The following BCAR1 variants were observed in gnomAD, a reference collection of about 807,000 sequenced individuals.
BCAR1 encodes the protein breast cancer anti-estrogen resistance protein 1.
In BCAR1, 30 loss-of-function variants were observed where a neutral mutation model predicts 67.6. The observed-to-expected ratio is 0.44, with a 90% CI of 0.33 to 0.60. BCAR1 has a LOEUF of 0.60. Among genes scored for constraint, BCAR1 ranks in the 20% least tolerant of loss-of-function variants. BCAR1 has a pLI of 0.02. For missense variants in BCAR1, 1,313 were observed against 1,222.3 expected (o/e 1.07, Z -1.11); for synonymous variants, 626 against 556.7 (o/e 1.12, Z -1.75).
chr16:75,260,129 G>A (rs1012676589), intron 1 of BCAR1, among the ~76,000 whole-genome samples: 4 of 152,124 alleles, frequency 2.6e-5, no homozygotes, highest in Non-Finnish European at 4.4e-5. Context: ...GGGAGGAAGA[G>A]GTTGCAGTGA....
Position 75,229,364 on chromosome 16 carries a change from TAC to T in BCAR1, c.*145_*146del. Reference sequence around the variant, plus strand: ...CACACCCTGCCCGGCCATAAATATATACAGATTCCTGGGCATCCAGGGCACCA... The same window carrying T: ...CACACCCTGCCCGGCCATAAATATATAGATTCCTGGGCATCCAGGGCACCA... On this transcript the variant is annotated 3_prime_UTR_variant, in exon 7 of 7. Transcript: ENST00000162330. 5 of 1,262,886 alleles carry T rather than the reference TAC, an allele frequency of 4.0e-6. No homozygotes were observed. The highest frequency in any genetic ancestry group is 2.6e-5 in the East Asian group (1 of 38,722). The allele number at this position is 1,262,886 out of a possible 1,614,324, so 78.2% of individuals were successfully genotyped here. A position where few individuals can be genotyped will look rare whatever the true frequency, so the allele number is the denominator to read the frequency against.
At chr16:75,248,206 C>T (rs1008215554) in intron 1 of BCAR1, 16 of 1,554,190 alleles carry the variant, frequency 1.0e-5, no homozygotes, top group African/African-American at 2.8e-5. Context: ...CGCCTGGGTT[C>T]GTGGAAACCA....
intron 1 of BCAR1, chr16:75,251,062 A>C: frequency 1.2e-6 from 1 of 818,956 alleles, no homozygotes; most frequent in Non-Finnish European, 1.5e-6. Flanking sequence ...GGCAGTCCCC[A>C]CGCCACACCA....
At chr16:75,231,050 A>G (rs1447214892) in intron 6 of BCAR1, among the ~76,000 whole-genome samples, 1 of 143,214 alleles carries the variant, frequency 7.0e-6, no homozygotes, top group Non-Finnish European at 1.5e-5. Flanking sequence ...TTTCAATACT[A>G]TTTTTATTTT....
rs757929442 is a variant in BCAR1, at chr16:75,237,165, T to G, written c.795+18A>C. 1.9e-6 allele frequency: 3 copies of G among 1,541,172 alleles called. No homozygotes were observed. Reference sequence around the variant, plus strand: ...ACTTGCCGCCCTGCCCTCCCACCGCTGCGCACCCCACACCTACCTCCTGGC... The same window carrying G: ...ACTTGCCGCCCTGCCCTCCCACCGCGGCGCACCCCACACCTACCTCCTGGC... On this transcript the variant is annotated intron_variant, in intron 3 of 6. Transcript: ENST00000162330.
upstream of BCAR1, chr16:75,251,639 T>C: frequency 3.0e-6 from 3 of 1,002,678 alleles, no homozygotes; most frequent in Non-Finnish European, 3.6e-6. Flanking sequence ...GCTCTCCGCC[T>C]GCCGCCACGG....
intron 6 of BCAR1, among the ~76,000 whole-genome samples, chr16:75,230,449 A>G: frequency 6.6e-6 from 1 of 152,198 alleles, no homozygotes; most frequent in South Asian, 2.1e-4. Context: ...TTCAAAATGG[A>G]AGGTTAAAAA....
At chr16:75,251,637 C>T (rs962870571), upstream of BCAR1, 5 of 1,003,422 alleles carry the variant, frequency 5.0e-6, no homozygotes, top group African/African-American at 5.2e-5. Context: ...CCGCTCTCCG[C>T]CTGCCGCCAC....
chr16:75,265,489 G>GGGGTCCTGGC (rs2077988239), intron 1 of BCAR1, among the ~76,000 whole-genome samples: 1 of 152,126 alleles, frequency 6.6e-6, no homozygotes, highest in Non-Finnish European at 1.5e-5. Context: ...GGTCCTGGCG[G>GGGGTCCTGGC]GCAACAGACT....
chr16:75,244,987 G>A (rs564476737), intron 1 of BCAR1, among the ~76,000 whole-genome samples: 1 of 152,324 alleles, frequency 6.6e-6, no homozygotes, highest in East Asian at 1.9e-4. Context: ...TTGCTTTGGG[G>A]CTGAAAAACT....
At chr16:75,260,369 T>C (rs1372383520) in intron 1 of BCAR1, among the ~76,000 whole-genome samples, 1 of 152,050 alleles carries the variant, frequency 6.6e-6, no homozygotes, top group Non-Finnish European at 1.5e-5. Context: ...CCAGGCGCGG[T>C]GGCTCATGCC....
At chr16:75,245,076 C>A (rs925627546) in intron 1 of BCAR1, among the ~76,000 whole-genome samples, 1 of 152,254 alleles carries the variant, frequency 6.6e-6, no homozygotes, top group Non-Finnish European at 1.5e-5. Context: ...TGCGGCAGGT[C>A]TAGGGGCCAG....
Position 75,245,102 on chromosome 16 carries a change from C to T in BCAR1, c.13-2012G>A, listed in dbSNP as rs541364659. Among the ~76,000 whole-genome samples the T allele has an allele frequency of 6.1e-4, 93 of 152,352 alleles. 6 individuals carry two copies. The highest frequency in any genetic ancestry group is 2.1e-4 in the South Asian group (1 of 4,826). ...TAGGGGCCAGAGCCCCACAGAGGAGCGGGAGGGCGGGGGCTGTCCTGCAGC... is the reference window on the plus strand; with the variant it reads ...TAGGGGCCAGAGCCCCACAGAGGAGTGGGAGGGCGGGGGCTGTCCTGCAGC... On this transcript the variant is annotated intron_variant, in intron 1 of 6. Coordinates refer to ENST00000162330, the MANE Select transcript of BCAR1 (RefSeq NM_014567.5).
At chr16:75,251,383 C>A in intron 1 of BCAR1, 88 bp downstream of exon 1, 2 of 1,451,952 alleles carry the variant, frequency 1.4e-6, no homozygotes, top group South Asian at 1.3e-5. Context: ...CCCCGCAGGT[C>A]CGGCAGGAAA....
At chr16:75,252,419 G>T, upstream of BCAR1, 1 of 1,451,208 alleles carries the variant, frequency 6.9e-7, no homozygotes, top group African/African-American at 1.4e-5. Context: ...GAGGGAGATA[G>T]AAGGAAGAAT....
At chr16:75,248,282 G>A (rs574526438) in intron 1 of BCAR1, 48 of 1,433,050 alleles carry the variant, frequency 3.3e-5, no homozygotes, top group Non-Finnish European at 4.0e-5. Flanking sequence ...ACATGCACCC[G>A]CCCCAGCACA....
intron 2 of BCAR1, chr16:75,238,528 AG>A (rs2077219684): frequency 4.0e-5 from 40 of 992,234 alleles, no homozygotes; most frequent in Non-Finnish European, 4.8e-5. Context: ...GGGTGCTGTG[AG>A]GGGGGCGCTG....
At chr16:75,237,961 G>GC in intron 2 of BCAR1, 1 of 1,124,944 alleles carries the variant, frequency 8.9e-7, no homozygotes, top group Non-Finnish European at 1.2e-6. Flanking sequence ...TGGGACCAAG[G>GC]CCCCCTCCCT....
chr16:75,234,075 A>G (rs905669633), intron 5 of BCAR1, 140 bp from the exon 6 acceptor site: 80 of 710,404 alleles, frequency 1.1e-4, no homozygotes, highest in Admixed American at 7.5e-4. Flanking sequence ...ACGTGGACGC[A>G]CACACACACT....
Sources: allele counts gnomAD v4.1 joint callset (sites outside exome capture counted in the v4.1 genomes callset), GRCh38; gene constraint gnomAD v4.1.1; transcripts MANE v1.5; gene names NCBI Gene and HGNC (gene_info 2026-07-23, HGNC 2026-07-21).